The following BPTF variants were observed in gnomAD, a reference collection of about 807,000 sequenced individuals.
BPTF encodes nucleosome-remodeling factor subunit BPTF.
BPTF carries 18 observed loss-of-function variants against 292.5 expected under a neutral mutation model. The observed-to-expected ratio is 0.06, with a 90% CI of 0.04 to 0.09. The LOEUF (loss-of-function observed/expected upper bound fraction) is 0.09. BPTF is among the 10% of genes least tolerant of loss of function. The pLI, the probability that BPTF is intolerant of heterozygous loss-of-function variation, is 1.00. For missense variants in BPTF, 2,726 were observed against 3,498.7 expected (o/e 0.78, Z 5.57); for synonymous variants, 1,225 against 1,251.9 (o/e 0.98, Z 0.45).
intron 27 of BPTF, among the ~76,000 whole-genome samples, chr17:67,976,531 A>T (rs1173485641): frequency 4.0e-5 from 6 of 151,804 alleles, no homozygotes; most frequent in Non-Finnish European, 8.8e-5. Context: ...ACAAAAATTT[A>T]AAAAATTAAC....
intron 22 of BPTF, 131 bp from the exon 23 acceptor site, chr17:67,947,950 G>A (rs1376276696): frequency 8.0e-7 from 1 of 1,244,568 alleles, no homozygotes; most frequent in Non-Finnish European, 1.1e-6. Flanking sequence ...CTCATAACTG[G>A]TTTGAACCAC....
rs1322939366 is a variant in BPTF, at chr17:67,858,154, C to T, written c.1436+3392C>T. 7.2e-5 allele frequency among the ~76,000 whole-genome samples: 11 copies of T among 152,294 alleles called. No individual in the cohort carries two copies. The East Asian group carries it at 2.1e-3, about 29-fold the overall frequency. ...AACAAAATGAAATCTGTCACCTTAA[C>T]CCAGAAACTGCTGTGAGAAACAATA... On this transcript the variant is annotated intron_variant, in intron 2 of 27. Transcript: ENST00000306378.
chr17:67,875,817 A>C, intron 4 of BPTF: 18 of 1,238,102 alleles, frequency 1.5e-5, no homozygotes, highest in South Asian at 2.6e-5. Flanking sequence ...GCCGAATGTC[A>C]CCTAAAACCT....
At chr17:67,979,146 G>A (rs1416438202) in intron 27 of BPTF, among the ~76,000 whole-genome samples, 1 of 99,232 alleles carries the variant, frequency 1.0e-5, no homozygotes, top group Admixed American at 1.6e-4. Flanking sequence ...CTCCAGCCTG[G>A]AAGACACAAC....
chr17:67,915,358 A>G (rs2062914351), intron 11 of BPTF, among the ~76,000 whole-genome samples: 1 of 152,206 alleles, frequency 6.6e-6, no homozygotes, highest in South Asian at 2.1e-4. Context: ...GGACTTGGTA[A>G]CTACTGCAGC....
At chr17:67,873,988 A>T (rs2059906475) in intron 3 of BPTF, among the ~76,000 whole-genome samples, 1 of 146,470 alleles carries the variant, frequency 6.8e-6, no homozygotes, top group South Asian at 2.2e-4. Flanking sequence ...AAAGTAAGAA[A>T]ATGCTGGATG....
At chr17:67,932,987 C>T (rs1242047075) in intron 18 of BPTF, among the ~76,000 whole-genome samples, 1 of 152,032 alleles carries the variant, frequency 6.6e-6, no homozygotes, top group Non-Finnish European at 1.5e-5. Flanking sequence ...CGCAGTTGCT[C>T]ATGCCTGTAA....
chr17:67,833,760 G>A (rs1194201537), intron 1 of BPTF, among the ~76,000 whole-genome samples: 1 of 151,882 alleles, frequency 6.6e-6, no homozygotes, highest in East Asian at 1.9e-4. Context: ...CTAGAAGAGG[G>A]TTTCACCATG....
chr17:67,910,117 A>G (rs888993342), intron 10 of BPTF, among the ~76,000 whole-genome samples: 2 of 152,248 alleles, frequency 1.3e-5, no homozygotes, highest in African/African-American at 4.8e-5. Context: ...AAATGGAATC[A>G]GACAATATGT....
chr17:67,974,467 A>C (rs1174172119), intron 26 of BPTF: 2 of 152,146 alleles, frequency 1.3e-5, no homozygotes, highest in African/African-American at 4.8e-5. Context: ...TTCTGACACT[A>C]TCTACCTGAA....
At chr17:67,971,800 C>T (rs1555691105) in intron 26 of BPTF, among the ~76,000 whole-genome samples, 3 of 147,466 alleles carry the variant, frequency 2.0e-5, no homozygotes, top group Non-Finnish European at 4.5e-5. Flanking sequence ...TGCACTTCAG[C>T]CTGGGCAATA....
intron 3 of BPTF, among the ~76,000 whole-genome samples, chr17:67,871,525 T>C (rs2059737958): frequency 6.6e-6 from 1 of 151,970 alleles, no homozygotes; most frequent in Non-Finnish European, 1.5e-5. Flanking sequence ...TAACTAAATA[T>C]ACAGCTTACT....
chr17:67,970,815 C>T (rs564545283), intron 26 of BPTF, among the ~76,000 whole-genome samples: 5 of 152,258 alleles, frequency 3.3e-5, no homozygotes, highest in Admixed American at 2.6e-4. Context: ...AAATTAACAG[C>T]CCCCATCAAT....
At chr17:67,888,867 C>G (rs1407341901) in intron 4 of BPTF, among the ~76,000 whole-genome samples, 4 of 152,072 alleles carry the variant, frequency 2.6e-5, no homozygotes, top group Non-Finnish European at 5.9e-5. Context: ...TTGCTGGGGA[C>G]TTCTATAGGA....
chr17:67,947,485 G>A (rs2065899050), intron 21 of BPTF, among the ~76,000 whole-genome samples: 1 of 152,132 alleles, frequency 6.6e-6, no homozygotes, highest in African/African-American at 2.4e-5. Context: ...TTATTGCTAT[G>A]GTTCAGTGTT....
rs541590152 is a variant in BPTF at position 67,829,688 on chromosome 17, G to A, written c.613+3351G>A. Among the ~76,000 whole-genome samples, 4 of 152,302 alleles carry A rather than the reference G, an allele frequency of 2.6e-5. No homozygotes were observed. In the South Asian group the frequency reaches 8.3e-4, roughly 32 times the overall value. On this transcript the variant is annotated intron_variant, in intron 1 of 27. Coordinates refer to ENST00000306378, the MANE Select transcript of BPTF (RefSeq NM_182641.4). ...TTAAGATATCCGAATAACACATAAA[G>A]AAGTATGATTGATGAGTTTGAATCC...
rs781835110 is a variant in BPTF at position 67,966,540 on chromosome 17, C to T, written c.8455-32C>T. On this transcript the variant is annotated intron_variant, in intron 25 of 27. Coordinates refer to ENST00000306378, the MANE Select transcript of BPTF (RefSeq NM_182641.4). ...AACTTAAATGGAATTAGTGTTTTCA[C>T]TGACAATAATGATGCTGCTTTTTCA... 7 of 1,587,596 alleles carry T rather than the reference C, an allele frequency of 4.4e-6. No homozygotes were observed. The South Asian group carries it at 7.8e-5, about 18-fold the overall frequency.
At chr17:67,950,169 CG>C (rs1172741940) in intron 23 of BPTF, among the ~76,000 whole-genome samples, 3 of 151,208 alleles carry the variant, frequency 2.0e-5, no homozygotes, top group Non-Finnish European at 4.4e-5. Flanking sequence ...GAGGCCGAGG[CG>C]GGCAGATCAC....
intron 4 of BPTF, among the ~76,000 whole-genome samples, chr17:67,876,813 T>TA (rs1160446017): frequency 7.8e-6 from 1 of 127,446 alleles, no homozygotes; most frequent in Non-Finnish European, 1.5e-5. Context: ...CTTAAAAAAG[T>TA]AAAAAAAGAG....
Sources: allele counts gnomAD v4.1 joint callset (sites outside exome capture counted in the v4.1 genomes callset), GRCh38; gene constraint gnomAD v4.1.1; transcripts MANE v1.5; gene names NCBI Gene and HGNC (gene_info 2026-07-23, HGNC 2026-07-21).